NXPH2: variants seen among roughly 807,000 people sequenced by gnomAD.
NXPH2 encodes neurexophilin-2.
In NXPH2, 5 loss-of-function variants were observed where a neutral mutation model predicts 19.8. The observed-to-expected ratio is 0.25, with a 90% CI of 0.13 to 0.53. The LOEUF (loss-of-function observed/expected upper bound fraction) is 0.53, where lower values mean the gene tolerates loss of function less well. Among genes scored for constraint, NXPH2 ranks in the 20% least tolerant of loss-of-function variants. The pLI is 0.96. For missense variants in NXPH2, 289 were observed against 322.8 expected, an observed-to-expected ratio of 0.90 and a Z score of 0.80; for synonymous variants, 154 against 127.4, an observed-to-expected ratio of 1.21 and a Z score of -1.41.
intron 1 of NXPH2, among the ~76,000 whole-genome samples, 167 bp downstream of exon 1, chr2:138,780,024 T>C (rs913003050): frequency 6.6e-6 from 1 of 152,196 alleles, no homozygotes; most frequent in Non-Finnish European, 1.5e-5. Context: ...CGTTCTTCAA[T>C]TCTTCCCTTT....
chr2:138,677,342 C>T (rs1160705717), intron 1 of NXPH2, among the ~76,000 whole-genome samples: 1 of 152,172 alleles, frequency 6.6e-6, no homozygotes, highest in African/African-American at 2.4e-5. Context: ...TTGAACATTC[C>T]TTGATTTCAA....
chr2:138,748,645 C>G (rs948104562), intron 1 of NXPH2, among the ~76,000 whole-genome samples: 1 of 152,188 alleles, frequency 6.6e-6, no homozygotes, highest in African/African-American at 2.4e-5. Flanking sequence ...CACACACATA[C>G]AGTAATACCA....
rs778365371 is a variant in NXPH2, at chr2:138,671,151, A to G, written c.566T>C (p.Ile189Thr). 5 of 1,613,792 alleles carry G rather than the reference A, an allele frequency of 3.1e-6. No homozygotes were observed. Among genetic ancestry groups the G allele is most frequent in the African/African-American group, 1.3e-5 (1 of 74,918 alleles). Residue 189 changes from isoleucine to threonine, a missense_variant, in exon 2 of 2, where the codon ATT (isoleucine) becomes ACT (threonine). By Grantham distance (89) the Ile-to-Thr change is moderately conservative. Coordinates refer to ENST00000272641, the MANE Select transcript of NXPH2 (RefSeq NM_007226.3). ...TKESKSFNCR[I>T]EYEKTDRAKK... is the part of the protein sequence containing the mutation. ...CGCCCGATCTGTTTTTTCATACTCA[A>G]TGCGACAATTGAAAGATTTGGATTC...
At chr2:138,677,900 C>T (rs1015092690) in intron 1 of NXPH2, among the ~76,000 whole-genome samples, 3 of 152,308 alleles carry the variant, frequency 2.0e-5, no homozygotes, top group East Asian at 1.9e-4. Flanking sequence ...ACACTGCACT[C>T]GGTATCCCCT....
intron 1 of NXPH2, among the ~76,000 whole-genome samples, chr2:138,777,792 C>T (rs1163440755): frequency 1.6e-5 from 2 of 121,634 alleles, no homozygotes; most frequent in Non-Finnish European, 3.3e-5. Flanking sequence ...AATCCAATTT[C>T]GACAATAAGG....
chr2:138,702,006 CAGG>C lies in NXPH2; in HGVS notation c.52-30344_52-30342del, dbSNP rs201134960. Among the ~76,000 whole-genome samples the C allele has an allele frequency of 8.0e-3, 1,217 of 152,276 alleles. 20 individuals carry two copies. The highest frequency in any genetic ancestry group is 0.027 in the African/African-American group (1,118 of 41,550). ...AGGCAAAGCTAGTGTGGAGGAATAT[CAGG>C]AGAATTCTCTGCAACACAGAGGCCA... On this transcript the variant is annotated intron_variant, in intron 1 of 1. Transcript: ENST00000272641.
At chr2:138,714,077 ATAT>A (rs1277036163) in intron 1 of NXPH2, among the ~76,000 whole-genome samples, 2 of 152,172 alleles carry the variant, frequency 1.3e-5, no homozygotes, top group African/African-American at 4.8e-5. Context: ...AGCAGCTTAA[ATAT>A]ATGTCCTAAT....
At chr2:138,706,594 G>C (rs1681015682) in intron 1 of NXPH2, among the ~76,000 whole-genome samples, 1 of 152,132 alleles carries the variant, frequency 6.6e-6, no homozygotes, top group Non-Finnish European at 1.5e-5. Context: ...TGATGAATAT[G>C]AATGAGAAAA....
intron 1 of NXPH2, among the ~76,000 whole-genome samples, chr2:138,682,328 A>G (rs1680590979): frequency 6.6e-6 from 1 of 152,206 alleles, no homozygotes; most frequent in African/African-American, 2.4e-5. Flanking sequence ...AAACAGGAAC[A>G]TGCATCTGCC....
At chr2:138,765,046 A>G (rs770024502) in intron 1 of NXPH2, among the ~76,000 whole-genome samples, 7 of 152,270 alleles carry the variant, frequency 4.6e-5, no homozygotes, top group Non-Finnish European at 7.3e-5. Flanking sequence ...GGATGTGTAC[A>G]GAGAATGGTA....
At chr2:138,741,887 G>A (rs906302406) in intron 1 of NXPH2, among the ~76,000 whole-genome samples, 3 of 152,148 alleles carry the variant, frequency 2.0e-5, no homozygotes, top group African/African-American at 7.2e-5. Context: ...ATTCATTTGG[G>A]GGCATTAATG....
At chr2:138,707,107 A>AAAAAAAAAAAAAAACAAAAAAAAAAC (rs1558918445) in intron 1 of NXPH2, among the ~76,000 whole-genome samples, 19 of 146,618 alleles carry the variant, frequency 1.3e-4, no homozygotes, top group African/African-American at 4.5e-4. Flanking sequence ...AAAAAAAAAA[A>AAAAAAAAAAAAAAACAAAAAAAAAAC]AAAAAGAGCA....
chr2:138,774,295 A>G (rs1322634366), intron 1 of NXPH2, among the ~76,000 whole-genome samples: 1 of 152,184 alleles, frequency 6.6e-6, no homozygotes, highest in Non-Finnish European at 1.5e-5. Context: ...TATATGTTAA[A>G]TAAGTGCTCA....
intron 1 of NXPH2, among the ~76,000 whole-genome samples, chr2:138,681,961 C>G (rs1680586122): frequency 6.6e-6 from 1 of 152,148 alleles, no homozygotes; most frequent in Non-Finnish European, 1.5e-5. Flanking sequence ...ATTATACAAT[C>G]TAGAGGTGGC....
intron 1 of NXPH2, among the ~76,000 whole-genome samples, chr2:138,732,815 T>C (rs1681472553): frequency 1.3e-5 from 2 of 152,202 alleles, no homozygotes; most frequent in South Asian, 2.1e-4. Context: ...ATTCTTCCTA[T>C]TCCACTTTTA....
intron 1 of NXPH2, among the ~76,000 whole-genome samples, chr2:138,745,231 C>A (rs1284932071): frequency 6.6e-6 from 1 of 152,140 alleles, no homozygotes; most frequent in Non-Finnish European, 1.5e-5. Context: ...GAGGGCCATT[C>A]CCTGAAACAG....
chr2:138,766,955 G>T (rs559987832), intron 1 of NXPH2, among the ~76,000 whole-genome samples: 22 of 152,192 alleles, frequency 1.4e-4, no homozygotes, highest in African/African-American at 4.8e-4. Flanking sequence ...TAACTTTTAA[G>T]ACTTTGCATC....
intron 1 of NXPH2, among the ~76,000 whole-genome samples, chr2:138,704,834 T>G (rs947019783): frequency 6.6e-6 from 1 of 151,882 alleles, no homozygotes; most frequent in South Asian, 2.1e-4. Context: ...TTTTTTTTTT[T>G]TTTTTTTGAG....
chr2:138,732,718 T>C (rs969279131), intron 1 of NXPH2, among the ~76,000 whole-genome samples: 4 of 152,188 alleles, frequency 2.6e-5, no homozygotes, highest in African/African-American at 9.6e-5. Flanking sequence ...CTGATTCTAT[T>C]CTGTGGCTTT....
Sources: gnomAD v4.1 joint callset for allele counts (sites outside exome capture counted in the v4.1 genomes callset) on GRCh38, gnomAD v4.1.1 for gene constraint, MANE v1.5 for transcripts, NCBI Gene and HGNC (gene_info 2026-07-23, HGNC 2026-07-21) for gene names.